The following PPP6R3 variants were observed in gnomAD, a reference collection of about 807,000 sequenced individuals.
PPP6R3 encodes the protein serine/threonine-protein phosphatase 6 regulatory subunit 3.
Under a neutral mutation model 110.7 loss-of-function variants are expected in PPP6R3, and 38 were observed. The observed-to-expected ratio is 0.34, with a 90% CI of 0.26 to 0.45. The LOEUF is 0.45. Among genes scored for constraint, PPP6R3 ranks in the 20% least tolerant of loss-of-function variants. The pLI is 1.00. For missense variants in PPP6R3, 870 were observed against 1,062.4 expected (o/e 0.82, Z 2.52); for synonymous variants, 369 against 373.5 (o/e 0.99, Z 0.14).
At chr11:68,544,665 A>G (rs2099340829) in intron 3 of PPP6R3, among the ~76,000 whole-genome samples, 173 bp from the exon 4 acceptor site, 1 of 152,244 alleles carries the variant, frequency 6.6e-6, no homozygotes, top group Non-Finnish European at 1.5e-5. Context: ...ATAGTAGAAA[A>G]TTTATTTTAG....
At chr11:68,603,107 A>G (rs2099636715) in intron 21 of PPP6R3, among the ~76,000 whole-genome samples, 1 of 151,016 alleles carries the variant, frequency 6.6e-6, no homozygotes, top group East Asian at 2.0e-4. Context: ...GGAGGGATGT[A>G]GGCGACTTGC....
Position 68,613,818 on chromosome 11 carries a change from C to G in PPP6R3, c.*701C>G. 2.0e-6 allele frequency: 2 copies of G among 984,622 alleles called. No individual in the cohort carries two copies. The highest frequency in any genetic ancestry group is 2.4e-6 in the Non-Finnish European group (2 of 829,672). The allele number at this position is 984,622 out of a possible 1,614,324, so 61.0% of individuals were successfully genotyped here. ...TTATCGTAAAGCCATATGTTCTGTTCAAGTCTTGTTTGCTTGAAATGATTA... is the reference window on the plus strand; with the variant it reads ...TTATCGTAAAGCCATATGTTCTGTTGAAGTCTTGTTTGCTTGAAATGATTA... On this transcript the variant is annotated 3_prime_UTR_variant, in exon 24 of 24. Coordinates refer to ENST00000393800, the MANE Select transcript of PPP6R3 (RefSeq NM_001164161.2).
intron 13 of PPP6R3, 49 bp from the exon 14 acceptor site, chr11:68,575,909 G>C (rs748760259): frequency 1.2e-4 from 168 of 1,379,636 alleles, no homozygotes; most frequent in Non-Finnish European, 1.5e-4. Flanking sequence ...ATTTGTCTCC[G>C]TGGAGGTCAT....
intron 19 of PPP6R3, 121 bp downstream of exon 19, chr11:68,596,339 G>C: frequency 7.5e-7 from 1 of 1,325,766 alleles, no homozygotes; most frequent in East Asian, 2.3e-5. Flanking sequence ...GGGTTGAAGC[G>C]TGTTGTCAAG....
In PPP6R3 at chr11:68,600,501, G is replaced by T; in HGVS notation, c.2192+7G>T. On this transcript the variant is annotated splice_region_variant and intron_variant, in intron 20 of 23. Transcript: ENST00000393800. ...AGTTCACGTCTTCCCTGAGGTGAGC[G>T]AACATGTGCTGTCTCTACACCCTTC... The T allele has an allele frequency of 6.2e-7, 1 of 1,611,876 alleles. No individual in the cohort carries two copies. Among genetic ancestry groups the T allele is most frequent in the Non-Finnish European group, 8.5e-7 (1 of 1,179,342 alleles).
chr11:68,501,402 G>T (rs984240366), intron 1 of PPP6R3, among the ~76,000 whole-genome samples: 1 of 152,204 alleles, frequency 6.6e-6, no homozygotes, highest in African/African-American at 2.4e-5. Flanking sequence ...ATCTCGGCCA[G>T]TGCAACCTCT....
chr11:68,533,221 C>T (rs191191132), intron 2 of PPP6R3, among the ~76,000 whole-genome samples: 128 of 152,244 alleles, frequency 8.4e-4, no homozygotes, highest in African/African-American at 3.0e-3. Flanking sequence ...ACTAATTTAC[C>T]AGTGCCATTT....
intron 18 of PPP6R3, among the ~76,000 whole-genome samples, chr11:68,594,323 AG>A (rs1666580097): frequency 7.3e-6 from 1 of 136,164 alleles, no homozygotes; most frequent in African/African-American, 2.9e-5. Context: ...AGAGAGAAAA[AG>A]AGAGAGAGAG....
At chr11:68,585,696 C>CTA (rs2099576007) in intron 15 of PPP6R3, among the ~76,000 whole-genome samples, 1 of 152,132 alleles carries the variant, frequency 6.6e-6, no homozygotes, top group Admixed American at 6.5e-5. Context: ...TGACTTAGAA[C>CTA]TAATGAGGAT....
intron 1 of PPP6R3, among the ~76,000 whole-genome samples, chr11:68,477,741 A>AAAAAAATATATATATATATATATATAT: frequency 1.7e-5 from 1 of 57,892 alleles, no homozygotes; most frequent in Non-Finnish European, 3.3e-5. Context: ...AAAAAAAAAA[A>AAAAAAATATATATATATATATATATAT]ATATATATAT....
intron 22 of PPP6R3, 89 bp from the exon 23 acceptor site, chr11:68,609,815 C>G: frequency 6.3e-7 from 1 of 1,596,238 alleles, no homozygotes; most frequent in Non-Finnish European, 8.6e-7. Flanking sequence ...AGTCATGACT[C>G]CAGAGCCATC....
rs1293158477 is a variant in PPP6R3, at chr11:68,485,525, T to C, written c.-158+24698T>C. 7.9e-5 allele frequency among the ~76,000 whole-genome samples: 12 copies of C among 152,276 alleles called. 1 individual carries two copies. In the South Asian group the frequency reaches 1.4e-3, roughly 18 times the overall value. On this transcript the variant is annotated intron_variant, in intron 1 of 23. Coordinates refer to ENST00000393800, the MANE Select transcript of PPP6R3 (RefSeq NM_001164161.2). ...TGATGATAGTTGTAGGTTTTTGATA[T>C]ATGTTGTTTATCAAGTTGAGGAAGC... is the stretch of plus-strand genomic sequence containing the variant.
At chr11:68,470,336 G>A (rs2098781732) in intron 1 of PPP6R3, among the ~76,000 whole-genome samples, 1 of 152,078 alleles carries the variant, frequency 6.6e-6, no homozygotes, top group Admixed American at 6.6e-5. Flanking sequence ...GGTAGGGGCA[G>A]CATTATAGGC....
intron 15 of PPP6R3, among the ~76,000 whole-genome samples, chr11:68,585,271 G>A (rs1437225479): frequency 1.3e-5 from 2 of 152,216 alleles, no homozygotes; most frequent in Non-Finnish European, 2.9e-5. Context: ...GGAGAATTCA[G>A]ACTGACTGCC....
At chr11:68,584,410 T>A (rs928283729) in intron 15 of PPP6R3, among the ~76,000 whole-genome samples, 4 of 152,192 alleles carry the variant, frequency 2.6e-5, no homozygotes, top group Non-Finnish European at 5.9e-5. Context: ...GTCCACCCAG[T>A]TGGCCATGAA....
At chr11:68,485,135 T>A (rs2153405086) in intron 1 of PPP6R3, among the ~76,000 whole-genome samples, 1 of 152,196 alleles carries the variant, frequency 6.6e-6, no homozygotes, top group Non-Finnish European at 1.5e-5. Flanking sequence ...TTTCATTTTT[T>A]GGATATGTTA....
At chr11:68,498,925 C>T (rs2099033495) in intron 1 of PPP6R3, among the ~76,000 whole-genome samples, 1 of 152,170 alleles carries the variant, frequency 6.6e-6, no homozygotes, top group East Asian at 1.9e-4. Context: ...CTTCCATCAG[C>T]AGTGTGTGAA....
At chr11:68,536,940 G>A (rs1266554217) in intron 2 of PPP6R3, among the ~76,000 whole-genome samples, 3 of 152,314 alleles carry the variant, frequency 2.0e-5, no homozygotes, top group Non-Finnish European at 2.9e-5. Flanking sequence ...AGATCATGTA[G>A]TGAACCCTCT....
At chr11:68,599,034 T>A (rs1283660570) in intron 19 of PPP6R3, among the ~76,000 whole-genome samples, 1 of 152,226 alleles carries the variant, frequency 6.6e-6, no homozygotes, top group African/African-American at 2.4e-5. Flanking sequence ...TGAAGTCAGA[T>A]ATCTTGGGGA....
Sources: gnomAD v4.1 joint callset for allele counts (sites outside exome capture counted in the v4.1 genomes callset) on GRCh38, gnomAD v4.1.1 for gene constraint, MANE v1.5 for transcripts, NCBI Gene and HGNC (gene_info 2026-07-23, HGNC 2026-07-21) for gene names.